Variants in SYNE1 observed in about 807,000 individuals in gnomAD.
SYNE1 encodes nesprin-1.
SYNE1 carries 616 observed loss-of-function variants against 1,111.0 expected under a neutral mutation model. That is an observed-to-expected ratio of 0.55 (90% CI 0.52 to 0.59). The LOEUF (loss-of-function observed/expected upper bound fraction) is 0.59, where lower values mean the gene tolerates loss of function less well. SYNE1 is among the 20% of genes least tolerant of loss of function. The pLI is 0.00. For missense variants in SYNE1, 10,006 were observed against 10,417.0 expected, an observed-to-expected ratio of 0.96 and a Z score of 1.72; for synonymous variants, 3,855 against 3,825.8, an observed-to-expected ratio of 1.01 and a Z score of -0.28.
intron 3 of SYNE1, among the ~76,000 whole-genome samples, chr6:152,579,098 T>C (rs551229575): frequency 1.3e-5 from 2 of 152,232 alleles, no homozygotes; most frequent in Non-Finnish European, 2.9e-5. Context: ...AGTCATATTG[T>C]AGAAGATTGC....
Position 152,208,150 on chromosome 6 carries a change from C to A in SYNE1, c.22646G>T (p.Arg7549Leu). ...GATCCCCCGCCTCTGCTGGGCCCTG[C>A]GAATCACTCCCTGCCATTGATTACT... ...LLSNQWQGVI[R>L]RAQQRRGIID... The change falls in exon 125 of 146, where the codon CGC (arginine) becomes CTC (leucine). Residue 7549 changes from arginine (R) to leucine (L), a missense_variant. Arg to Leu is a moderately radical substitution (Grantham distance 102). Around this residue, in one of 7 missense-constraint regions of SYNE1, gnomAD observed 2,182 missense variants for 2,287.8 expected, o/e 0.95. Coordinates refer to ENST00000367255, the MANE Select transcript of SYNE1 (RefSeq NM_182961.4). 1.2e-6 allele frequency: 2 copies of A among 1,614,024 alleles called. No individual in the cohort carries two copies. The highest frequency in any genetic ancestry group is 1.7e-6 in the Non-Finnish European group (2 of 1,180,006).
rs143088104 is a variant in SYNE1, at chr6:152,314,136, G to A, written c.16710+2713C>T. On this transcript the variant is annotated intron_variant, in intron 87 of 145. Coordinates refer to ENST00000367255, the MANE Select transcript of SYNE1 (RefSeq NM_182961.4). Reference sequence around the variant, plus strand: ...TTTATATTGTCTTACTGTCCTCAATGTGTTTTCCAAAGGCTGCTAAATTTG... The same window carrying A: ...TTTATATTGTCTTACTGTCCTCAATATGTTTTCCAAAGGCTGCTAAATTTG... Among the ~76,000 whole-genome samples the A allele has an allele frequency of 3.0e-3, 462 of 152,310 alleles. 3 individuals carry two copies. Among genetic ancestry groups the A allele is most frequent in the African/African-American group, 0.011 (451 of 41,578 alleles).
In SYNE1 at chr6:152,206,215, T is replaced by C. The variant is rs1438394866; in HGVS notation, c.22972A>G (p.Ser7658Gly). 1 of 1,613,900 alleles carries C rather than the reference T, an allele frequency of 6.2e-7. No homozygotes were observed. The change falls in exon 126 of 146, where the codon AGC becomes GGC. Residue 7658 changes from serine to glycine, a missense_variant. Around this residue, in one of 7 missense-constraint regions of SYNE1, gnomAD observed 2,182 missense variants for 2,287.8 expected, o/e 0.95. Coordinates refer to ENST00000367255, the MANE Select transcript of SYNE1 (RefSeq NM_182961.4). ...TTCTTCTGTTCTTCCAGCCGCATGC[T>C]GGCTGATTTCCATTTCTCTTGGATT... ...AEIQEKWKSA[S>G]MRLEEQKKKL...
intron 6 of SYNE1, among the ~76,000 whole-genome samples, chr6:152,516,724 G>A (rs1052339747): frequency 2.0e-5 from 3 of 151,952 alleles, no homozygotes; most frequent in East Asian, 1.9e-4. Flanking sequence ...GACCATAGGC[G>A]CATGCCACCA....
rs775150455 is a variant in SYNE1 at position 152,416,452 on chromosome 6, C to T, written c.5985G>A (p.Glu1995=). The T allele has an allele frequency of 6.2e-7, 1 of 1,614,008 alleles. No homozygotes were observed. The highest frequency in any genetic ancestry group is 8.5e-7 in the Non-Finnish European group (1 of 1,180,040). Reference sequence around the variant, plus strand: ...CTTTGTCAGTCCTTTCTTCAATGTCCTCAATGCTTTTCAGAAGCTCCTCTT... The same window carrying T: ...CTTTGTCAGTCCTTTCTTCAATGTCTTCAATGCTTTTCAGAAGCTCCTCTT... ...DQKEELLKSI[E]DIEERTDKER... is the part of the protein sequence containing the mutation. Residue 1995 remains glutamate (E), a synonymous_variant, in exon 41 of 146, where the codon GAG becomes GAA. Transcript: ENST00000367255.
At chr6:152,314,268 G>A (rs1433959440) in intron 87 of SYNE1, among the ~76,000 whole-genome samples, 1 of 152,146 alleles carries the variant, frequency 6.6e-6, no homozygotes, top group African/African-American at 2.4e-5. Context: ...AGACTTTTAG[G>A]ATCTTTTTCT....
Position 152,355,588 on chromosome 6 carries a change from C to A in SYNE1, c.10609-612G>T, listed in dbSNP as rs181235161. On this transcript the variant is annotated intron_variant, in intron 66 of 145. Coordinates refer to ENST00000367255, the MANE Select transcript of SYNE1 (RefSeq NM_182961.4). ...CCAAAGCCTAAACCCCAAAGATTTA[C>A]CCTACAAATTTAGTATAAATCAAGT... is the stretch of plus-strand genomic sequence containing the variant. Among the ~76,000 whole-genome samples the A allele has an allele frequency of 3.2e-4, 49 of 151,984 alleles. No homozygotes were observed. The East Asian group carries it at 9.1e-3, about 28-fold the overall frequency.
At chr6:152,614,459 C>T (rs1041969353) in intron 3 of SYNE1, among the ~76,000 whole-genome samples, 4 of 151,998 alleles carry the variant, frequency 2.6e-5, no homozygotes, top group East Asian at 1.9e-4. Flanking sequence ...GTAAGAATGG[C>T]GATTATTAAA....
At chr6:152,383,013 G>A (rs1323172663) in intron 55 of SYNE1, among the ~76,000 whole-genome samples, 6 of 152,124 alleles carry the variant, frequency 3.9e-5, no homozygotes, top group Non-Finnish European at 1.5e-5. Context: ...CCTTTTCTCA[G>A]TGATTATTCC....
At chr6:152,265,406 A>G (rs920444482) in intron 100 of SYNE1, among the ~76,000 whole-genome samples, 1 of 152,140 alleles carries the variant, frequency 6.6e-6, no homozygotes, top group African/African-American at 2.4e-5. Context: ...AAAAATGCCA[A>G]AACATAATTG....
In SYNE1 at chr6:152,333,709, TGCA is replaced by T. The variant is rs200044152; in HGVS notation, c.12794+296_12794+298del. On this transcript the variant is annotated intron_variant, in intron 77 of 145. Transcript: ENST00000367255. ...GTACAGTGGTGCAATCTTGGCTCAC[TGCA>T]GCCTCCTCCTCCCAGGTTCAATTGA... 9.1e-3 allele frequency among the ~76,000 whole-genome samples: 1,392 copies of T among 152,292 alleles called. 21 individuals carry two copies. Among genetic ancestry groups the T allele is most frequent in the African/African-American group, 0.029 (1,200 of 41,558 alleles).
chr6:152,465,026 T>G, intron 18 of SYNE1: 1 of 562,462 alleles, frequency 1.8e-6, no homozygotes, highest in Non-Finnish European at 3.2e-6. Flanking sequence ...TTCAGGGTAA[T>G]ATAGTGCCCT....
Position 152,141,241 on chromosome 6 carries a change from C to A in SYNE1, c.25208G>T (p.Gly8403Val), listed in dbSNP as rs781415803. 6.2e-7 allele frequency: 1 copy of A among 1,614,138 alleles called. No homozygotes were observed. Among genetic ancestry groups the A allele is most frequent in the Non-Finnish European group, 8.5e-7 (1 of 1,180,016 alleles). Reference protein sequence around the residue: ...KLKEEEESLPGFVNLHSTETQ... With the variant: ...KLKEEEESLPVFVNLHSTETQ... ...TTCGGTACTATGCAGGTTAACAAAG[C>A]CAGGAAGGCTCTCCTCTTCCTCCTT... The change falls in exon 139 of 146, where the codon GGC becomes GTC. Residue 8403 changes from glycine to valine, a missense_variant. Transcript: ENST00000367255.
intron 104 of SYNE1, 133 bp downstream of exon 104, chr6:152,254,747 A>C (rs1202574126): frequency 1.1e-6 from 1 of 897,554 alleles, no homozygotes; most frequent in East Asian, 2.7e-5. Context: ...AACCCCCTTC[A>C]TTTTCTACAA....
chr6:152,145,463 C>T (rs751975475), intron 137 of SYNE1: 1 of 1,611,392 alleles, frequency 6.2e-7, no homozygotes, highest in Non-Finnish European at 8.5e-7. Context: ...GGGAGGGAGG[C>T]TGGCTCCGGC....
At chr6:152,319,308 TGA>T (rs2095813891) in intron 84 of SYNE1, among the ~76,000 whole-genome samples, 1 of 152,236 alleles carries the variant, frequency 6.6e-6, no homozygotes, top group East Asian at 1.9e-4. Flanking sequence ...TGTAGACAGC[TGA>T]GTTTGAATCC....
chr6:152,603,362 C>T (rs1457686073), intron 3 of SYNE1, among the ~76,000 whole-genome samples: 1 of 152,128 alleles, frequency 6.6e-6, no homozygotes, highest in Non-Finnish European at 1.5e-5. Context: ...TAACATATCA[C>T]AGGTGGTTAT....
intron 4 of SYNE1, among the ~76,000 whole-genome samples, chr6:152,538,270 T>C (rs1212477234): frequency 3.3e-5 from 5 of 152,200 alleles, no homozygotes; most frequent in Non-Finnish European, 5.9e-5. Context: ...TAGTATTTTA[T>C]ATAATATGAA....
At chr6:152,314,801 A>G (rs949295552) in intron 87 of SYNE1, among the ~76,000 whole-genome samples, 1 of 151,276 alleles carries the variant, frequency 6.6e-6, no homozygotes, top group Admixed American at 6.6e-5. Flanking sequence ...AAATGCAACA[A>G]TTAGCCAGGT....
Sources: allele counts gnomAD v4.1 joint callset (sites outside exome capture counted in the v4.1 genomes callset), GRCh38; gene constraint gnomAD v4.1.1; regional missense constraint gnomAD v4.1.1; transcripts MANE v1.5; gene names NCBI Gene and HGNC (gene_info 2026-07-23, HGNC 2026-07-21).